Variants in CDK8 observed in about 807,000 individuals in gnomAD.
The protein encoded by CDK8 is cyclin dependent kinase 8.
Under a neutral mutation model 71.5 loss-of-function variants are expected in CDK8, and 29 were observed. The observed-to-expected ratio is 0.41, with a 90% CI of 0.30 to 0.55. CDK8 has a LOEUF of 0.55. CDK8 is among the 20% of genes least tolerant of loss of function. The pLI is 0.37. For synonymous variants in CDK8, 161 were observed against 192.1 expected (o/e 0.84, Z 1.34); for missense variants, 288 against 572.6 (o/e 0.50, Z 5.07).
At position 26,401,391 on chromosome 13, in the gene CDK8, C is replaced by T. The variant is rs2138075190; in HGVS notation, c.1110+44C>T. ...TTAGCAGCTTCTTGTTTCGTGAATG[C>T]CTCCATAACATTTTCCATTGTGGGT... On this transcript the variant is annotated intron_variant, in intron 11 of 12. Transcript: ENST00000381527. This position sits in a 1 kb window ranked among gnomAD's most constrained non-coding sequence, Gnocchi z 4.5. The T allele has an allele frequency of 6.2e-7, 1 of 1,609,172 alleles. No individual in the cohort carries two copies. The highest frequency in any genetic ancestry group is 8.5e-7 in the Non-Finnish European group (1 of 1,175,742).
intron 1 of CDK8, among the ~76,000 whole-genome samples, chr13:26,334,616 A>C (rs1188584665): frequency 1.3e-5 from 2 of 152,196 alleles, no homozygotes; most frequent in African/African-American, 4.8e-5. Context: ...ATAATGTTGT[A>C]ATTGTGATTT....
At chr13:26,385,987 T>C (rs955925187) in intron 6 of CDK8, among the ~76,000 whole-genome samples, 1 of 152,144 alleles carries the variant, frequency 6.6e-6, no homozygotes, top group African/African-American at 2.4e-5. Context: ...CCAAAAGAAA[T>C]ACTAACTTCT....
intron 9 of CDK8, 85 bp from the exon 10 acceptor site, chr13:26,400,367 CA>C: frequency 1.1e-5 from 9 of 813,456 alleles, no homozygotes; most frequent in Non-Finnish European, 1.7e-5. Context: ...TGTTATTCAC[CA>C]AAAAATATAT....
intron 4 of CDK8, among the ~76,000 whole-genome samples, chr13:26,369,526 A>ATT (rs1203523401): frequency 0.019 from 1,870 of 98,438 alleles, 156 homozygotes; most frequent in African/African-American, 0.073. Context: ...AGGTTGGACG[A>ATT]TTTTTTTTTT....
intron 1 of CDK8, among the ~76,000 whole-genome samples, chr13:26,283,786 T>C (rs1872874995): frequency 6.6e-6 from 1 of 151,378 alleles, no homozygotes; most frequent in Admixed American, 6.6e-5. Context: ...TAGTCCCAGC[T>C]ACTCGGGAGG....
In CDK8 at chr13:26,397,198, T is replaced by A; in HGVS notation, c.906T>A (p.Val302=). 6.3e-7 allele frequency: 1 copy of A among 1,596,886 alleles called. No individual in the cohort carries two copies. Among genetic ancestry groups the A allele is most frequent in the Non-Finnish European group, 8.6e-7 (1 of 1,166,956 alleles). Residue 302 remains valine, a synonymous_variant, in exon 9 of 13, where the codon GTT becomes GTA. Coordinates refer to ENST00000381527, the MANE Select transcript of CDK8 (RefSeq NM_001260.3). ...TCAAGTATATGGAAAAACATAAAGTTAAACCAGATAGTAAAGCATTCCACT... is the reference window on the plus strand; with the variant it reads ...TCAAGTATATGGAAAAACATAAAGTAAAACCAGATAGTAAAGCATTCCACT... ...SLIKYMEKHK[V]KPDSKAFHLL...
chr13:26,317,120 A>G lies in CDK8; in HGVS notation c.129-20447A>G, dbSNP rs139473855. Among the ~76,000 whole-genome samples the G allele has an allele frequency of 5.9e-3, 901 of 152,308 alleles. 10 individuals carry two copies. Among genetic ancestry groups the G allele is most frequent in the African/African-American group, 0.021 (853 of 41,580 alleles). ...TTAAGCGACCTGTGTGACTCCATCA[A>G]GAGGACCAACGTACGCATTGTGGGA... On this transcript the variant is annotated intron_variant, in intron 1 of 12. Coordinates refer to ENST00000381527, the MANE Select transcript of CDK8 (RefSeq NM_001260.3).
intron 4 of CDK8, among the ~76,000 whole-genome samples, chr13:26,376,235 A>G (rs1874942248): frequency 6.6e-6 from 1 of 151,004 alleles, no homozygotes; most frequent in African/African-American, 2.5e-5. Context: ...TAAATTAATA[A>G]TAATGAAAGA....
intron 4 of CDK8, among the ~76,000 whole-genome samples, chr13:26,366,547 T>C (rs1210057168): frequency 1.3e-5 from 2 of 152,172 alleles, no homozygotes; most frequent in Non-Finnish European, 2.9e-5. Flanking sequence ...CACTTTGTTA[T>C]ATGACCTATA....
chr13:26,320,489 G>A (rs1003934849), intron 1 of CDK8, among the ~76,000 whole-genome samples: 4 of 152,016 alleles, frequency 2.6e-5, no homozygotes, highest in Admixed American at 2.0e-4. Flanking sequence ...TGATTTCTTG[G>A]ATATGGCACA....
rs1343003401 is a variant in CDK8, at chr13:26,386,613, G to A, written c.646+1271G>A. Among the ~76,000 whole-genome samples the A allele has an allele frequency of 4.6e-5, 7 of 152,010 alleles. No individual in the cohort carries two copies. In the East Asian group the frequency reaches 1.2e-3, roughly 25 times the overall value. ...TGATTTCATTTCTTATTTTGCTACA[G>A]TATGTTCTCATGTAAATTCCTTTGG... On this transcript the variant is annotated intron_variant, in intron 6 of 12. Transcript: ENST00000381527.
At chr13:26,381,786 G>C (rs1016976708) in intron 4 of CDK8, among the ~76,000 whole-genome samples, 7 of 151,020 alleles carry the variant, frequency 4.6e-5, no homozygotes, top group Admixed American at 2.0e-4. Context: ...AACTATCTTT[G>C]GTAGGTGATA....
intron 1 of CDK8, among the ~76,000 whole-genome samples, chr13:26,259,734 A>C (rs1871688371): frequency 6.6e-6 from 1 of 152,120 alleles, no homozygotes; most frequent in South Asian, 2.1e-4. Flanking sequence ...TGTTCATGTG[A>C]GTTATTACTT....
intron 6 of CDK8, among the ~76,000 whole-genome samples, chr13:26,386,693 C>T (rs1875492974): frequency 2.0e-5 from 3 of 152,094 alleles, no homozygotes; most frequent in African/African-American, 7.2e-5. Context: ...AAATGCTGGT[C>T]GGTATCATAC....
chr13:26,343,162 A>G (rs918026878), intron 2 of CDK8, among the ~76,000 whole-genome samples: 1 of 152,192 alleles, frequency 6.6e-6, no homozygotes, highest in Non-Finnish European at 1.5e-5. Context: ...GAAAAAATGC[A>G]TTATTAGGCG....
chr13:26,360,874 T>C (rs1475647671), intron 4 of CDK8, among the ~76,000 whole-genome samples: 2 of 152,164 alleles, frequency 1.3e-5, no homozygotes, highest in East Asian at 1.9e-4. Context: ...GCACAAAAGC[T>C]TCCCCCCATC....
intron 1 of CDK8, among the ~76,000 whole-genome samples, chr13:26,318,308 T>TA (rs937592434): frequency 2.4e-4 from 36 of 148,628 alleles, no homozygotes; most frequent in South Asian, 1.1e-3. Flanking sequence ...GCTCTTGATT[T>TA]AAAAAAAAAA....
chr13:26,331,951 T>G (rs9553792), intron 1 of CDK8, among the ~76,000 whole-genome samples: 62,146 of 152,000 alleles, frequency 0.41, 14,427 homozygotes, highest in Non-Finnish European at 0.52. Context: ...GGGCCTGGGA[T>G]GTTTTTCCTT....
chr13:26,321,924 A>C (rs1036399452), intron 1 of CDK8, among the ~76,000 whole-genome samples: 1 of 152,178 alleles, frequency 6.6e-6, no homozygotes, highest in African/African-American at 2.4e-5. Flanking sequence ...AGAGACATGT[A>C]AAATAGATAT....
Sources: allele counts gnomAD v4.1 joint callset (sites outside exome capture counted in the v4.1 genomes callset), GRCh38; gene constraint gnomAD v4.1.1; non-coding constraint Gnocchi (gnomAD v3.1); transcripts MANE v1.5; gene names NCBI Gene and HGNC (gene_info 2026-07-23, HGNC 2026-07-21).